NOTCH2NLC: variants seen among roughly 807,000 people sequenced by gnomAD.
NOTCH2NLC encodes the protein notch 2 N-terminal like C.
A neutral mutation model predicts 17.7 loss-of-function variants in NOTCH2NLC; 4 were observed. The observed-to-expected ratio is 0.23, with a 90% confidence interval of 0.11 to 0.52. The LOEUF is 0.52. Among genes scored for constraint, NOTCH2NLC ranks in the 20% least tolerant of loss-of-function variants. The pLI is 0.96. For synonymous variants in NOTCH2NLC, 18 were observed against 86.0 expected (o/e 0.21, Z 4.38); for missense variants, 57 against 207.2 (o/e 0.28, Z 4.45).
At chr1:149,414,966 G>GGAATACT (rs2084325871) in intron 1 of NOTCH2NLC, among the ~76,000 whole-genome samples, 1 of 127,706 alleles carries the variant, frequency 7.8e-6, no homozygotes, top group South Asian at 2.8e-4. Context: ...TCCTTAAGAG[G>GGAATACT]GAATACTGTT....
At position 149,412,131 on chromosome 1, in the gene NOTCH2NLC, CA is replaced by C. The variant is rs1174642398; in HGVS notation, c.136-18801del. ...ATCCTGTCTCCAAAAAAAAAAAAAA[CA>C]AAAAAAAAACAAAAAAAAGTGGTAT... On this transcript the variant is annotated intron_variant, in intron 1 of 4. Transcript: ENST00000650865. 1.3e-3 allele frequency among the ~76,000 whole-genome samples: 147 copies of C among 114,050 alleles called. 1 individual carries two copies. Among genetic ancestry groups the C allele is most frequent in the African/African-American group, 3.0e-3 (81 of 27,026 alleles). 74.8% of individuals were successfully genotyped at this position (114,050 alleles called of 152,430 possible).
chr1:149,419,130 G>C (rs2101478716), intron 1 of NOTCH2NLC, among the ~76,000 whole-genome samples: 1 of 143,634 alleles, frequency 7.0e-6, no homozygotes, highest in South Asian at 2.2e-4. Flanking sequence ...GTGAGAATCA[G>C]GGAAGCACTG....
At chr1:149,437,613 G>A (rs1188391690) in intron 2 of NOTCH2NLC, among the ~76,000 whole-genome samples, 16 of 115,592 alleles carry the variant, frequency 1.4e-4, no homozygotes, top group Middle Eastern at 4.1e-3. Flanking sequence ...ACAAGCGCCC[G>A]CCACCACGCC....
At chr1:149,414,485 CT>C (rs1318884231) in intron 1 of NOTCH2NLC, among the ~76,000 whole-genome samples, 1 of 150,808 alleles carries the variant, frequency 6.6e-6, no homozygotes, top group Non-Finnish European at 1.5e-5. Context: ...TTTATGAAAT[CT>C]GGGGGTAAAG....
rs2084721181 is a variant in NOTCH2NLC, at chr1:149,471,696, G to A, written c.*7543G>A. ...CATTATGAAAATATTCTGGAATTAG[G>A]TAGTGGTGATGGTTGCAGAACTTTT... On this transcript the variant is annotated 3_prime_UTR_variant, in exon 5 of 5. Transcript: ENST00000650865. Among the ~76,000 whole-genome samples the A allele has an allele frequency of 6.7e-6, 1 of 149,644 alleles. No individual in the cohort carries two copies. Among genetic ancestry groups the A allele is most frequent in the South Asian group, 2.1e-4 (1 of 4,712 alleles).
intron 2 of NOTCH2NLC, among the ~76,000 whole-genome samples, chr1:149,445,554 T>G (rs2084545359): frequency 6.7e-6 from 1 of 148,542 alleles, no homozygotes; most frequent in African/African-American, 2.5e-5. Context: ...TAACGACAGC[T>G]CCCCCCTCTA....
chr1:149,423,486 C>A (rs2084390785), intron 1 of NOTCH2NLC, among the ~76,000 whole-genome samples: 1 of 149,282 alleles, frequency 6.7e-6, no homozygotes, highest in Non-Finnish European at 1.5e-5. Context: ...TCTTTGTCTG[C>A]CCTCAATTCT....
At chr1:149,409,459 G>A (rs2084287290) in intron 1 of NOTCH2NLC, among the ~76,000 whole-genome samples, 1 of 149,606 alleles carries the variant, frequency 6.7e-6, no homozygotes, top group African/African-American at 2.5e-5. Context: ...TAGATCTAGT[G>A]AAAAGATTTA....
At chr1:149,430,739 G>A (rs1214713219) in intron 1 of NOTCH2NLC, among the ~76,000 whole-genome samples, 5 of 150,322 alleles carry the variant, frequency 3.3e-5, no homozygotes, top group South Asian at 2.1e-4. Context: ...GACCACAAAC[G>A]TGGTTATTGT....
At chr1:149,425,487 G>A (rs1484110752) in intron 1 of NOTCH2NLC, among the ~76,000 whole-genome samples, 11 of 151,440 alleles carry the variant, frequency 7.3e-5, no homozygotes, top group African/African-American at 1.9e-4. Context: ...AAGTGGTGGG[G>A]AGTAATACTG....
At chr1:149,400,139 A>ATATATT (rs1570899101) in intron 1 of NOTCH2NLC, among the ~76,000 whole-genome samples, 10 of 131,944 alleles carry the variant, frequency 7.6e-5, no homozygotes, top group South Asian at 2.4e-4. Flanking sequence ...TATAATATAT[A>ATATATT]TTTTTTTTTT....
chr1:149,442,041 C>G (rs1298519289), intron 2 of NOTCH2NLC, among the ~76,000 whole-genome samples: 1 of 147,114 alleles, frequency 6.8e-6, no homozygotes, highest in Non-Finnish European at 1.5e-5. Flanking sequence ...CTTACATACA[C>G]ACTTCAGTCA....
chr1:149,446,655 T>C (rs2084555588), intron 2 of NOTCH2NLC, among the ~76,000 whole-genome samples: 1 of 141,414 alleles, frequency 7.1e-6, no homozygotes, highest in Admixed American at 7.2e-5. Context: ...AAAGAAAAAG[T>C]CATAAATATA....
At chr1:149,455,818 G>A (rs2084613732) in intron 3 of NOTCH2NLC, among the ~76,000 whole-genome samples, 1 of 150,350 alleles carries the variant, frequency 6.7e-6, no homozygotes, top group Non-Finnish European at 1.5e-5. Context: ...ATATATGTCA[G>A]GGCCAGGTGC....
At position 149,462,037 on chromosome 1, in the gene NOTCH2NLC, C is replaced by T. The variant is rs1332032067; in HGVS notation, c.470-1454C>T. The stretch of plus-strand genomic sequence containing the variant: ...TAGGAGATGTACCTAATGTAAATGA[C>T]GAGTTAATGGGTGCAGCACACCAAC... On this transcript the variant is annotated intron_variant, in intron 3 of 4. Coordinates refer to ENST00000650865, the MANE Select transcript of NOTCH2NLC (RefSeq NM_001364013.2). Among the ~76,000 whole-genome samples, 14 of 134,806 alleles carry T rather than the reference C, an allele frequency of 1.0e-4. 1 individual carries two copies. Among genetic ancestry groups the T allele is most frequent in the South Asian group, 2.5e-4 (1 of 3,988 alleles). 88.4% of individuals were successfully genotyped at this position (134,806 alleles called of 152,430 possible).
rs2084683314 is a variant in NOTCH2NLC at position 149,466,277 on chromosome 1, G to GGTA, written c.*2124_*2125insGTA. 4 of 142,458 alleles carry GGTA rather than the reference G, an allele frequency of 2.8e-5. No individual in the cohort carries two copies. In the South Asian group the frequency reaches 6.6e-4, roughly 24 times the overall value. 8.8% of individuals were successfully genotyped at this position (142,458 alleles called of 1,614,324 possible). ...GTGTGTGTGTGTGTGTGTGTGTGTG[G>GGTA]TATATATATATATATCGCATTGTGC... On this transcript the variant is annotated 3_prime_UTR_variant, in exon 5 of 5. Transcript: ENST00000650865.
chr1:149,429,836 ACTT>A (rs2084435527), intron 1 of NOTCH2NLC, among the ~76,000 whole-genome samples: 1 of 149,998 alleles, frequency 6.7e-6, no homozygotes, highest in Admixed American at 6.6e-5. Flanking sequence ...GGAGGGGGGA[ACTT>A]CTCAGTTTTG....
intron 1 of NOTCH2NLC, among the ~76,000 whole-genome samples, chr1:149,400,120 A>G (rs1187657294): frequency 1.4e-5 from 2 of 142,550 alleles, no homozygotes; most frequent in Non-Finnish European, 3.1e-5. Context: ...ATTTATATAT[A>G]TATATATATA....
At chr1:149,427,173 T>C (rs2084417463) in intron 1 of NOTCH2NLC, among the ~76,000 whole-genome samples, 1 of 151,312 alleles carries the variant, frequency 6.6e-6, no homozygotes, top group African/African-American at 2.4e-5. Flanking sequence ...TTTTGAAATG[T>C]ATAATACCCT....
Sources: allele counts gnomAD v4.1 joint callset (sites outside exome capture counted in the v4.1 genomes callset), GRCh38; gene constraint gnomAD v4.1.1; transcripts MANE v1.5; gene names NCBI Gene and HGNC (gene_info 2026-07-23, HGNC 2026-07-21).